Variants in TRPM3 observed in about 807,000 individuals in gnomAD.
TRPM3 encodes the protein transient receptor potential cation channel subfamily M member 3, also known as long transient receptor potential channel 3.
A neutral mutation model predicts 181.2 loss-of-function variants in TRPM3; 77 were observed. The observed-to-expected ratio is 0.42, with a 90% CI of 0.35 to 0.51. The LOEUF is 0.51. TRPM3 is among the 20% of genes least tolerant of loss of function. The pLI, the probability that TRPM3 is intolerant of heterozygous loss-of-function variation, is 0.01. For synonymous variants in TRPM3, 745 were observed against 796.4 expected (o/e 0.94, Z 1.09); for missense variants, 1,759 against 2,196.7 (o/e 0.80, Z 3.98).
intron 1 of TRPM3, among the ~76,000 whole-genome samples, chr9:71,267,483 T>C (rs1207490287): frequency 6.6e-6 from 1 of 152,108 alleles, no homozygotes; most frequent in Non-Finnish European, 1.5e-5. Context: ...AAATGGGTGC[T>C]ATTTCTCTAA....
chr9:70,911,048 G>A (rs2096532438), intron 1 of TRPM3, among the ~76,000 whole-genome samples: 1 of 152,164 alleles, frequency 6.6e-6, no homozygotes, highest in Admixed American at 6.5e-5. Flanking sequence ...TTGGCTCAAT[G>A]TGTTAGGAAA....
rs1276378706 is a variant in TRPM3, at chr9:70,534,924, C to G, written c.*1029G>C. ...TACGTCTTGGAGGTGTTCAGGAGGA[C>G]GTGGTGGAGCCATGCAAATGATGAC... On this transcript the variant is annotated 3_prime_UTR_variant, in exon 26 of 26. Transcript: ENST00000677713. 6.5e-6 allele frequency: 1 copy of G among 152,896 alleles called. No homozygotes were observed. The highest frequency in any genetic ancestry group is 2.4e-5 in the African/African-American group (1 of 41,318). The allele number at this position is 152,896 out of a possible 1,614,324, so 9.5% of individuals were successfully genotyped here.
At chr9:71,017,814 A>T (rs1335835922) in intron 1 of TRPM3, among the ~76,000 whole-genome samples, 1 of 151,928 alleles carries the variant, frequency 6.6e-6, no homozygotes, top group Non-Finnish European at 1.5e-5. Flanking sequence ...AAACATAAAA[A>T]ATAAGCAACA....
At chr9:71,059,207 C>T (rs1252438473) in intron 1 of TRPM3, among the ~76,000 whole-genome samples, 1 of 151,566 alleles carries the variant, frequency 6.6e-6, no homozygotes, top group Non-Finnish European at 1.5e-5. Context: ...GCATCTCTTC[C>T]TCACCCTCTT....
chr9:70,788,323 A>T (rs1036924706), intron 6 of TRPM3, among the ~76,000 whole-genome samples: 1 of 151,702 alleles, frequency 6.6e-6, no homozygotes, highest in African/African-American at 2.4e-5. Context: ...ACCCCACCCT[A>T]AATTAAGCAC....
At position 70,537,079 on chromosome 9, in the gene TRPM3, C is replaced by T. The variant is rs747150928; in HGVS notation, c.4034G>A (p.Arg1345His). The T allele has an allele frequency of 1.4e-5, 22 of 1,611,570 alleles. No individual in the cohort carries two copies. Among genetic ancestry groups the T allele is most frequent in the Middle Eastern group, 1.6e-4 (1 of 6,078 alleles). Residue 1345 changes from arginine to histidine, a missense_variant, in exon 26 of 26, where the codon CGT becomes CAT. By Grantham distance (29) the Arg-to-His change is conservative. Coordinates refer to ENST00000677713, the MANE Select transcript of TRPM3 (RefSeq NM_001366145.2). The stretch of plus-strand genomic sequence containing the variant: ...CGAATAGAAAGAATGGCTTCGCATA[C>T]GGGGCATTAAGGTTGGAGAAGTTGG... ...MSPTSPTLMP[R>H]MRSHSFYSVN...
chr9:70,750,696 G>A (rs117124880), intron 8 of TRPM3, among the ~76,000 whole-genome samples: 3,714 of 152,258 alleles, frequency 0.024, 65 homozygotes, highest in Middle Eastern at 0.071. Context: ...TGAGGATAGG[G>A]GAACTGAAGC....
At chr9:71,105,791 C>A (rs759230649) in intron 1 of TRPM3, among the ~76,000 whole-genome samples, 3 of 152,118 alleles carry the variant, frequency 2.0e-5, no homozygotes, top group African/African-American at 7.2e-5. Flanking sequence ...ATATGCAGAA[C>A]GTAGTACGTG....
chr9:70,668,672 GAA>G (rs57929544), intron 9 of TRPM3, among the ~76,000 whole-genome samples: 16,131 of 86,116 alleles, frequency 0.19, 359 homozygotes, highest in African/African-American at 0.3. Context: ...CTCAAAAAAA[GAA>G]AAAAAAAAAA....
intron 1 of TRPM3, among the ~76,000 whole-genome samples, chr9:70,966,047 A>C (rs2097181991): frequency 6.6e-6 from 1 of 151,910 alleles, no homozygotes; most frequent in Non-Finnish European, 1.5e-5. Flanking sequence ...CAAAAAAAAA[A>C]AACCACAAAG....
intron 3 of TRPM3, among the ~76,000 whole-genome samples, chr9:70,848,498 T>A (rs1436447967): frequency 6.6e-6 from 1 of 152,172 alleles, no homozygotes; most frequent in Non-Finnish European, 1.5e-5. Flanking sequence ...CAGTGAATTC[T>A]AAGCAGGATA....
chr9:70,643,994 T>C (rs2058449403), intron 9 of TRPM3, among the ~76,000 whole-genome samples: 1 of 152,262 alleles, frequency 6.6e-6, no homozygotes, highest in East Asian at 1.9e-4. Context: ...ATACTTTGTC[T>C]TGAGAGCTTA....
At chr9:71,109,645 G>T (rs567157651) in intron 1 of TRPM3, among the ~76,000 whole-genome samples, 1 of 152,168 alleles carries the variant, frequency 6.6e-6, no homozygotes, top group African/African-American at 2.4e-5. Flanking sequence ...TTGTAGTCAA[G>T]TACCTAGACA....
intron 11 of TRPM3, among the ~76,000 whole-genome samples, chr9:70,637,802 C>T (rs1477205467): frequency 2.0e-5 from 3 of 152,010 alleles, no homozygotes; most frequent in Non-Finnish European, 4.4e-5. Context: ...AGCTTGGGTT[C>T]GGTACTTACT....
At chr9:71,069,176 G>A (rs1450295581) in intron 1 of TRPM3, among the ~76,000 whole-genome samples, 1 of 152,166 alleles carries the variant, frequency 6.6e-6, no homozygotes, top group African/African-American at 2.4e-5. Context: ...AAAACAAAGT[G>A]GGCAGCAGTA....
chr9:71,100,365 T>C (rs901198121), intron 1 of TRPM3, among the ~76,000 whole-genome samples: 2 of 152,180 alleles, frequency 1.3e-5, no homozygotes, highest in South Asian at 2.1e-4. Flanking sequence ...AAGTAAAGGA[T>C]GCTCAAACAT....
intron 1 of TRPM3, among the ~76,000 whole-genome samples, chr9:71,137,357 T>C (rs951218757): frequency 1.3e-5 from 2 of 152,324 alleles, no homozygotes; most frequent in Non-Finnish European, 2.9e-5. Context: ...CAAATACAAA[T>C]CTAATAGCTT....
chr9:71,022,779 C>T (rs764132694), intron 1 of TRPM3, among the ~76,000 whole-genome samples: 24 of 151,972 alleles, frequency 1.6e-4, no homozygotes, highest in Admixed American at 1.0e-3. Flanking sequence ...GGCACATGTA[C>T]ACCTATGTAA....
upstream of TRPM3, among the ~76,000 whole-genome samples, chr9:71,126,044 A>G (rs1298093937): frequency 6.6e-6 from 1 of 152,182 alleles, no homozygotes; most frequent in Non-Finnish European, 1.5e-5. Flanking sequence ...AAACAACCCC[A>G]TTAGAAAGGG....
Sources: allele counts gnomAD v4.1 joint callset (sites outside exome capture counted in the v4.1 genomes callset), GRCh38; gene constraint gnomAD v4.1.1; transcripts MANE v1.5; gene names NCBI Gene and HGNC (gene_info 2026-07-23, HGNC 2026-07-21).